Variants in AK2 observed in about 807,000 individuals in gnomAD.
The protein encoded by AK2 is adenylate kinase 2, mitochondrial.
In AK2, 15 loss-of-function variants were observed where a neutral mutation model predicts 24.6. The ratio of observed to expected loss-of-function variants is 0.61; its 90% CI spans 0.41 to 0.94. The LOEUF (loss-of-function observed/expected upper bound fraction) is 0.94, where lower values mean the gene tolerates loss of function less well. Among genes scored for constraint, AK2 ranks in the 40% least tolerant of loss-of-function variants. The pLI, the probability that AK2 is intolerant of heterozygous loss-of-function variation, is 0.00. For synonymous variants in AK2, 102 were observed against 114.0 expected (o/e 0.90, Z 0.67); for missense variants, 257 against 304.1 (o/e 0.85, Z 1.15).
In AK2 at chr1:33,013,377, C is replaced by T. The variant is rs1243124080; in HGVS notation, c.524G>A (p.Arg175Gln). 5.6e-6 allele frequency: 9 copies of T among 1,614,092 alleles called. No homozygotes were observed. Among genetic ancestry groups the T allele is most frequent in the Non-Finnish European group, 7.6e-6 (9 of 1,180,012 alleles). ...DDITGEPLIR[R>Q]SDDNEKALKI... ...CAAGGCCTTTTCATTATCATCTGATCGACGGATCAAGGGTTCCCCGGTGAT... is the reference window on the plus strand; with the variant it reads ...CAAGGCCTTTTCATTATCATCTGATTGACGGATCAAGGGTTCCCCGGTGAT... The change falls in exon 6 of 6, where the codon CGA becomes CAA. Residue 175 changes from arginine to glutamine, a missense_variant. Physicochemically the swap from Arg to Gln is conservative, Grantham distance 43. Coordinates refer to ENST00000672715, the MANE Select transcript of AK2 (RefSeq NM_001625.4).
intron 1 of AK2, among the ~76,000 whole-genome samples, chr1:33,033,159 CAA>C (rs535373703): frequency 1.2e-4 from 11 of 88,572 alleles, no homozygotes; most frequent in Non-Finnish European, 1.4e-4. Flanking sequence ...GACTCTGTCT[CAA>C]AAAAAAAAAA....
At position 33,011,176 on chromosome 1, in the gene AK2, C is replaced by G. The variant is rs1242158145; in HGVS notation, c.*2005G>C. 1.5e-6 allele frequency: 2 copies of G among 1,319,016 alleles called. No homozygotes were observed. Among genetic ancestry groups the G allele is most frequent in the East Asian group, 7.7e-5 (2 of 25,964 alleles). The allele number at this position is 1,319,016 out of a possible 1,614,324, so 81.7% of individuals were successfully genotyped here. A position where few individuals can be genotyped will look rare whatever the true frequency, so the allele number is the denominator to read the frequency against. On this transcript the variant is annotated 3_prime_UTR_variant, in exon 6 of 6. Coordinates refer to ENST00000672715, the MANE Select transcript of AK2 (RefSeq NM_001625.4). ...CATGCACATAAAATTAGCAAACATT[C>G]AAGAACCTCAACTTTGAGGCCAAGT... is the stretch of plus-strand genomic sequence containing the variant.
At chr1:33,020,296 T>C (rs1337726583) in intron 4 of AK2, 24 of 730,600 alleles carry the variant, frequency 3.3e-5, no homozygotes, top group Middle Eastern at 2.9e-4. Flanking sequence ...TTATATTATT[T>C]TTACAATAAA....
At chr1:33,020,354 A>T (rs1639459311) in intron 4 of AK2, among the ~76,000 whole-genome samples, 1 of 152,228 alleles carries the variant, frequency 6.6e-6, no homozygotes, top group South Asian at 2.1e-4. Flanking sequence ...AGATTTAAGG[A>T]GCACTAAAAT....
In AK2 at chr1:33,012,471, C is replaced by A. The variant is rs1638887158; in HGVS notation, c.*710G>T. The A allele has an allele frequency of 7.1e-7, 1 of 1,413,210 alleles. No individual in the cohort carries two copies. Among genetic ancestry groups the A allele is most frequent in the Admixed American group, 2.1e-5 (1 of 47,414 alleles). 87.5% of individuals were successfully genotyped at this position (1,413,210 alleles called of 1,614,324 possible). A position where few individuals can be genotyped will look rare whatever the true frequency, so the allele number is the denominator to read the frequency against. On this transcript the variant is annotated 3_prime_UTR_variant, in exon 6 of 6. Transcript: ENST00000672715. ...GGAACTGTGACCCTGCCTGACTTCA[C>A]ATGATCCTGGACTTCTAATCAGCTG... is the stretch of plus-strand genomic sequence containing the variant.
chr1:33,024,961 C>A (rs748533779), intron 1 of AK2, among the ~76,000 whole-genome samples: 1 of 151,944 alleles, frequency 6.6e-6, no homozygotes, highest in Admixed American at 6.6e-5. Context: ...CTGAGGTGGG[C>A]GGATCACGAG....
At chr1:33,021,751 G>A in intron 2 of AK2, 48 bp from the exon 3 acceptor site, 1 of 1,456,082 alleles carries the variant, frequency 6.9e-7, no homozygotes, top group Non-Finnish European at 9.6e-7. Flanking sequence ...CATTACCTAG[G>A]TGACTGACAT....
intron 1 of AK2, among the ~76,000 whole-genome samples, chr1:33,035,283 C>T (rs1288286326): frequency 6.6e-6 from 1 of 152,114 alleles, no homozygotes; most frequent in Non-Finnish European, 1.5e-5. Context: ...TGACTTAGTG[C>T]CCAGGTCACA....
intron 1 of AK2, 120 bp from the exon 2 acceptor site, chr1:33,024,687 T>G: frequency 8.1e-7 from 1 of 1,230,414 alleles, no homozygotes; most frequent in Non-Finnish European, 1.2e-6. Flanking sequence ...AAATGCCTAC[T>G]TCCTTACCTG....
intron 1 of AK2, among the ~76,000 whole-genome samples, chr1:33,029,819 T>C (rs1640127229): frequency 6.6e-6 from 1 of 152,238 alleles, no homozygotes; most frequent in Non-Finnish European, 1.5e-5. Context: ...GTTGGGACTA[T>C]GGGCGCATAT....
At position 33,008,733 on chromosome 1, in the gene AK2, G is replaced by C. The variant is rs1164387941; in HGVS notation, c.*4448C>G. The C allele has an allele frequency of 2.0e-5, 9 of 454,126 alleles. No homozygotes were observed. Among genetic ancestry groups the C allele is most frequent in the Admixed American group, 1.9e-4 (8 of 42,578 alleles). 28.1% of individuals were successfully genotyped at this position (454,126 alleles called of 1,614,324 possible). A position where few individuals can be genotyped will look rare whatever the true frequency, so the allele number is the denominator to read the frequency against. On this transcript the variant is annotated 3_prime_UTR_variant, in exon 6 of 6. Coordinates refer to ENST00000672715, the MANE Select transcript of AK2 (RefSeq NM_001625.4). Reference sequence around the variant, plus strand: ...TCTGACTCCACAGGGTGCTGTGTGAGGGTTACGTGAAGTCGAGGGTTACAT... The same window carrying C: ...TCTGACTCCACAGGGTGCTGTGTGACGGTTACGTGAAGTCGAGGGTTACAT...
intron 1 of AK2, among the ~76,000 whole-genome samples, chr1:33,032,928 C>G (rs1456590566): frequency 6.6e-6 from 1 of 152,000 alleles, no homozygotes; most frequent in Non-Finnish European, 1.5e-5. Context: ...CTTTGGGAGG[C>G]CAAGGTGGGC....
chr1:33,036,608 C>A, intron 1 of AK2, 128 bp downstream of exon 1: 1 of 875,376 alleles, frequency 1.1e-6, no homozygotes, highest in Non-Finnish European at 1.9e-6. Context: ...AACCGAGACC[C>A]CGGCCAGCGT....
intron 1 of AK2, among the ~76,000 whole-genome samples, chr1:33,033,203 A>T (rs1272849130): frequency 6.6e-6 from 1 of 151,978 alleles, no homozygotes; most frequent in African/African-American, 2.4e-5. Flanking sequence ...TTTCTTCGGC[A>T]AAACCCCAGG....
intron 5 of AK2, among the ~76,000 whole-genome samples, chr1:33,013,770 C>A (rs964314096): frequency 6.6e-6 from 1 of 152,162 alleles, no homozygotes; most frequent in Non-Finnish European, 1.5e-5. Context: ...CAGAATACAT[C>A]AAAATCAAAG....
Position 33,014,377 on chromosome 1 carries a change from G to A in AK2, c.498+145C>T, listed in dbSNP as rs1308999881. 4 of 684,468 alleles carry A rather than the reference G, an allele frequency of 5.8e-6. No individual in the cohort carries two copies. In the African/African-American group the frequency reaches 7.2e-5, roughly 12 times the overall value. The allele number at this position is 684,468 out of a possible 1,614,324, so 42.4% of individuals were successfully genotyped here. On this transcript the variant is annotated intron_variant, in intron 5 of 5. Coordinates refer to ENST00000672715, the MANE Select transcript of AK2 (RefSeq NM_001625.4). ...TGAATAGATCTGACACAGGCCATGT[G>A]ATTTACTTGATAGTGTTATTTTTCA...
At chr1:33,031,754 A>C in intron 1 of AK2, 1 of 448,942 alleles carries the variant, frequency 2.2e-6, no homozygotes, top group South Asian at 1.6e-5. Context: ...AAGACTGCCT[A>C]AGCGTGCCTG....
chr1:33,031,559 G>A (rs1316952370), intron 1 of AK2: 1 of 455,930 alleles, frequency 2.2e-6, no homozygotes, highest in Non-Finnish European at 4.4e-6. Flanking sequence ...GCAGTAGATA[G>A]CAGCAGAAAG....
chr1:33,016,243 C>T (rs188404076), intron 4 of AK2, among the ~76,000 whole-genome samples: 2 of 152,102 alleles, frequency 1.3e-5, no homozygotes, highest in African/African-American at 4.8e-5. Flanking sequence ...ACAGAGTCTC[C>T]CTCTGTCACC....
Sources: gnomAD v4.1 joint callset for allele counts (sites outside exome capture counted in the v4.1 genomes callset) on GRCh38, gnomAD v4.1.1 for gene constraint, MANE v1.5 for transcripts, NCBI Gene and HGNC (gene_info 2026-07-23, HGNC 2026-07-21) for gene names.